Variants in CTNNA3 observed in about 807,000 individuals in gnomAD.
CTNNA3 encodes catenin alpha 3.
In CTNNA3, 76 loss-of-function variants were observed where a neutral mutation model predicts 95.7. The ratio of observed to expected loss-of-function variants is 0.79; its 90% CI spans 0.66 to 0.96. The LOEUF (loss-of-function observed/expected upper bound fraction) is 0.96. Ranked by LOEUF, CTNNA3 falls within the 40% of genes least tolerant of loss-of-function variation. The probability of loss-of-function intolerance (pLI) is 0.00; values close to 1 mark genes in which losing one functional copy is unlikely to be tolerated. For missense variants in CTNNA3, 1,191 were observed against 1,089.8 expected, an observed-to-expected ratio of 1.09 and a Z score of -1.31; for synonymous variants, 431 against 374.4, an observed-to-expected ratio of 1.15 and a Z score of -1.74.
At chr10:67,421,549 A>T (rs979358622) in intron 5 of CTNNA3, among the ~76,000 whole-genome samples, 31 of 152,104 alleles carry the variant, frequency 2.0e-4, no homozygotes, top group African/African-American at 7.2e-4. Context: ...GACCATGAAC[A>T]CCTCTCTACA....
chr10:67,403,530 C>T (rs765976787), intron 5 of CTNNA3: 1 of 152,530 alleles, frequency 6.6e-6, no homozygotes, highest in Non-Finnish European at 1.5e-5. Flanking sequence ...CACCCTCACC[C>T]ATGTTCTATG....
At chr10:67,170,309 A>G (rs1314818231) in intron 7 of CTNNA3, among the ~76,000 whole-genome samples, 1 of 152,214 alleles carries the variant, frequency 6.6e-6, no homozygotes, top group Admixed American at 6.5e-5. Context: ...TATCATAAAG[A>G]CACATGTACA....
chr10:66,388,745 A>G (rs373380247), intron 11 of CTNNA3, among the ~76,000 whole-genome samples: 1 of 152,292 alleles, frequency 6.6e-6, no homozygotes, highest in East Asian at 1.9e-4. Context: ...ATATTAGAGA[A>G]GATGTGTAAA....
intron 14 of CTNNA3, among the ~76,000 whole-genome samples, chr10:66,085,231 TAA>T (rs1043763356): frequency 6.6e-6 from 1 of 152,134 alleles, no homozygotes; most frequent in African/African-American, 2.4e-5. Flanking sequence ...GGATTATTAA[TAA>T]AATGCTCATG....
chr10:66,422,827 G>T (rs559507268), intron 11 of CTNNA3, among the ~76,000 whole-genome samples: 6 of 151,392 alleles, frequency 4.0e-5, no homozygotes, highest in Middle Eastern at 3.4e-3. Flanking sequence ...ATGGGGTTTC[G>T]CCATGTTGGT....
chr10:67,732,917 C>T (rs528606502), intron 1 of CTNNA3, among the ~76,000 whole-genome samples: 1 of 151,444 alleles, frequency 6.6e-6, no homozygotes, highest in African/African-American at 2.4e-5. Context: ...CACACATTCT[C>T]TCTCTCAAGA....
chr10:67,568,489 T>C (rs1304362105), intron 3 of CTNNA3, among the ~76,000 whole-genome samples: 2 of 151,386 alleles, frequency 1.3e-5, no homozygotes, highest in Admixed American at 6.6e-5. Context: ...GTGTGTATAG[T>C]ACAGTACATA....
At chr10:66,504,290 A>G (rs1840377696) in intron 11 of CTNNA3, among the ~76,000 whole-genome samples, 1 of 152,158 alleles carries the variant, frequency 6.6e-6, no homozygotes, top group Non-Finnish European at 1.5e-5. Context: ...TGTAACTCCT[A>G]GATGCATTTT....
intron 7 of CTNNA3, among the ~76,000 whole-genome samples, chr10:66,999,570 T>C (rs111835638): frequency 7.1e-4 from 108 of 151,834 alleles, no homozygotes; most frequent in Non-Finnish European, 1.3e-3. Flanking sequence ...ACAGCATGCA[T>C]CCCTTTTAGG....
chr10:66,162,936 C>T (rs1326435501), intron 13 of CTNNA3, among the ~76,000 whole-genome samples: 3 of 151,802 alleles, frequency 2.0e-5, no homozygotes, highest in Admixed American at 6.6e-5. Context: ...GAGTTGTGTA[C>T]CTAGGAGGAT....
At position 66,695,556 on chromosome 10, in the gene CTNNA3, T is replaced by C. The variant is rs368652405; in HGVS notation, c.1281+70708A>G. On this transcript the variant is annotated intron_variant, in intron 9 of 17. Transcript: ENST00000433211. ...CCTCGAATACCCTCTGTGATACACA[T>C]AGAAATAGACACAGCTTCTCCCAGC... Among the ~76,000 whole-genome samples, 7 of 152,262 alleles carry C rather than the reference T, an allele frequency of 4.6e-5. No homozygotes were observed. The East Asian group carries it at 1.2e-3, about 25-fold the overall frequency.
At chr10:67,109,575 T>C (rs927480383) in intron 7 of CTNNA3, among the ~76,000 whole-genome samples, 4 of 152,178 alleles carry the variant, frequency 2.6e-5, no homozygotes, top group African/African-American at 9.7e-5. Flanking sequence ...CCAGGCGTGG[T>C]AGCTCACGCC....
intron 7 of CTNNA3, among the ~76,000 whole-genome samples, chr10:66,786,062 G>T (rs1437748161): frequency 6.6e-6 from 1 of 152,244 alleles, no homozygotes; most frequent in East Asian, 1.9e-4. Context: ...CCTGGCAGAA[G>T]TCTTCTTCCT....
intron 9 of CTNNA3, among the ~76,000 whole-genome samples, chr10:66,668,457 T>TGA (rs1554832764): frequency 1.9e-3 from 280 of 149,814 alleles, no homozygotes; most frequent in East Asian, 6.6e-3. Context: ...TGTGTGTGTG[T>TGA]GATACACATC....
chr10:66,897,184 C>T (rs1845530843), intron 7 of CTNNA3, among the ~76,000 whole-genome samples: 1 of 151,942 alleles, frequency 6.6e-6, no homozygotes, highest in Non-Finnish European at 1.5e-5. Context: ...TATATTATTC[C>T]TATGAAAATA....
chr10:67,214,442 CTG>C (rs1864265595), intron 6 of CTNNA3, among the ~76,000 whole-genome samples: 1 of 151,364 alleles, frequency 6.6e-6, no homozygotes, highest in Non-Finnish European at 1.5e-5. Context: ...TAATTATACA[CTG>C]TGTTTCCAGA....
intron 11 of CTNNA3, among the ~76,000 whole-genome samples, chr10:66,448,885 T>A (rs2093443327): frequency 6.6e-6 from 1 of 152,038 alleles, no homozygotes; most frequent in South Asian, 2.1e-4. Context: ...GACCTTTTGA[T>A]CTACTCTCAT....
At chr10:65,971,086 C>T (rs1410197975) in intron 16 of CTNNA3, among the ~76,000 whole-genome samples, 1 of 150,570 alleles carries the variant, frequency 6.6e-6, no homozygotes, top group Non-Finnish European at 1.5e-5. Context: ...GAAATTAAGG[C>T]AGTAACCAAA....
chr10:66,046,145 C>T (rs2079823462), intron 15 of CTNNA3, among the ~76,000 whole-genome samples: 1 of 152,048 alleles, frequency 6.6e-6, no homozygotes. Flanking sequence ...CAACTGCCCA[C>T]CTGGGAACAA....
Sources: allele counts gnomAD v4.1 joint callset (sites outside exome capture counted in the v4.1 genomes callset), GRCh38; gene constraint gnomAD v4.1.1; transcripts MANE v1.5; gene names NCBI Gene and HGNC (gene_info 2026-07-23, HGNC 2026-07-21).